GIPC2: variants seen among roughly 807,000 people sequenced by gnomAD.
The protein encoded by GIPC2 is GIPC PDZ domain containing family member 2.
A neutral mutation model predicts 30.6 loss-of-function variants in GIPC2; 30 were observed. The ratio of observed to expected loss-of-function variants is 0.98; its 90% CI spans 0.73 to 1.33. The LOEUF (loss-of-function observed/expected upper bound fraction) is 1.33. GIPC2 is among the 40% of genes most tolerant of loss of function. GIPC2 has a pLI of 0.00. For synonymous variants in GIPC2, 167 were observed against 150.0 expected, an observed-to-expected ratio of 1.11 and a Z score of -0.83; for missense variants, 414 against 390.3, an observed-to-expected ratio of 1.06 and a Z score of -0.51.
At chr1:78,128,645 T>A (rs1164430887) in intron 5 of GIPC2, among the ~76,000 whole-genome samples, 1 of 152,220 alleles carries the variant, frequency 6.6e-6, no homozygotes, top group African/African-American at 2.4e-5. Flanking sequence ...AATTTTTACA[T>A]ATACATACAC....
chr1:78,088,053 A>G (rs1435311245), intron 2 of GIPC2, among the ~76,000 whole-genome samples: 1 of 149,022 alleles, frequency 6.7e-6, no homozygotes, highest in Non-Finnish European at 1.5e-5. Context: ...ACAGTGAGAT[A>G]CCATCTCACA....
intron 3 of GIPC2, among the ~76,000 whole-genome samples, chr1:78,113,888 T>C (rs1470951796): frequency 6.6e-6 from 1 of 151,914 alleles, no homozygotes; most frequent in African/African-American, 2.4e-5. Flanking sequence ...TGCAACTCAT[T>C]CTTATGGAGT....
chr1:78,117,628 A>T (rs1242959490), intron 3 of GIPC2, among the ~76,000 whole-genome samples: 1 of 152,160 alleles, frequency 6.6e-6, no homozygotes, highest in Non-Finnish European at 1.5e-5. Flanking sequence ...CCAGTTTCTA[A>T]CAGGCCATGG....
chr1:78,119,707 G>A (rs1051389409), intron 4 of GIPC2, among the ~76,000 whole-genome samples: 1 of 152,076 alleles, frequency 6.6e-6, no homozygotes, highest in African/African-American at 2.4e-5. Flanking sequence ...TGTAGGTGAC[G>A]TTTCTAGACT....
chr1:78,072,008 G>A (rs1163700951), intron 1 of GIPC2, among the ~76,000 whole-genome samples: 2 of 152,240 alleles, frequency 1.3e-5, no homozygotes, highest in South Asian at 2.1e-4. Context: ...AGGCATTGCC[G>A]GGAAAACACC....
intron 1 of GIPC2, among the ~76,000 whole-genome samples, chr1:78,063,594 T>A (rs1661445973): frequency 6.8e-6 from 1 of 146,560 alleles, no homozygotes; most frequent in African/African-American, 2.5e-5. Flanking sequence ...AAGAATAAGA[T>A]GAGATTCAGG....
chr1:78,045,795 A>C, upstream of GIPC2: 1 of 1,162,570 alleles, frequency 8.6e-7, no homozygotes, highest in South Asian at 3.5e-5. Flanking sequence ...CGGCATCCTC[A>C]GGCGTTCACG....
At chr1:78,068,874 T>G (rs1489534807) in intron 1 of GIPC2, among the ~76,000 whole-genome samples, 1 of 152,138 alleles carries the variant, frequency 6.6e-6, no homozygotes, top group Non-Finnish European at 1.5e-5. Flanking sequence ...AGGAGACTGG[T>G]ACTCCTCATC....
intron 5 of GIPC2, among the ~76,000 whole-genome samples, chr1:78,129,131 G>A (rs1400665648): frequency 6.6e-6 from 1 of 151,958 alleles, no homozygotes; most frequent in Non-Finnish European, 1.5e-5. Flanking sequence ...TTATTTGTAA[G>A]GTGAATTAGT....
At chr1:78,053,077 A>G (rs1231497815) in intron 1 of GIPC2, among the ~76,000 whole-genome samples, 1 of 152,212 alleles carries the variant, frequency 6.6e-6, no homozygotes, top group Admixed American at 6.5e-5. Flanking sequence ...AAATGAAAGA[A>G]TTGGGAATTG....
chr1:78,075,291 A>G (rs192326352), intron 1 of GIPC2, among the ~76,000 whole-genome samples: 51 of 152,278 alleles, frequency 3.3e-4, no homozygotes, highest in Admixed American at 2.5e-3. Flanking sequence ...CCATGTCTCT[A>G]TGAAAAATAA....
At chr1:78,079,325 C>A (rs1661783449) in intron 1 of GIPC2, among the ~76,000 whole-genome samples, 1 of 152,170 alleles carries the variant, frequency 6.6e-6, no homozygotes. Flanking sequence ...TGGCTGAACA[C>A]TCTTGACCTT....
chr1:78,074,412 G>A (rs1661675710), intron 1 of GIPC2, among the ~76,000 whole-genome samples: 1 of 152,152 alleles, frequency 6.6e-6, no homozygotes, highest in African/African-American at 2.4e-5. Context: ...TTTAAGAGGT[G>A]TAGTCTCGCT....
chr1:78,047,004 G>A (rs886151041), intron 1 of GIPC2, among the ~76,000 whole-genome samples: 6 of 152,134 alleles, frequency 3.9e-5, no homozygotes, highest in African/African-American at 1.4e-4. Context: ...TTAATCACGT[G>A]GGACTAGTTA....
At chr1:78,049,158 T>C (rs541043994) in intron 1 of GIPC2, among the ~76,000 whole-genome samples, 18 of 152,312 alleles carry the variant, frequency 1.2e-4, no homozygotes, top group African/African-American at 4.3e-4. Context: ...AAACAACTTT[T>C]TTTGGTTGGT....
chr1:78,080,758 T>G lies in GIPC2; in HGVS notation c.324T>G (p.Phe108Leu). The change falls in exon 2 of 6, where the codon TTT becomes TTG. Residue 108 changes from phenylalanine to leucine, a missense_variant. Phe to Leu is a conservative substitution (Grantham distance 22). Coordinates refer to ENST00000370759, the MANE Select transcript of GIPC2 (RefSeq NM_017655.6). ...AACTAGGACTAGAAGATTTCATATT[T>G]GCCCATGTGAAAGGAATCGAAAAAG... ...GGQLGLEDFI[F>L]AHVKGIEKEV... is the part of the protein sequence containing the mutation. 6.2e-7 allele frequency: 1 copy of G among 1,607,266 alleles called. No individual in the cohort carries two copies. The highest frequency in any genetic ancestry group is 8.5e-7 in the Non-Finnish European group (1 of 1,173,826).
chr1:78,100,451 A>T (rs1291241366), intron 3 of GIPC2, among the ~76,000 whole-genome samples: 1 of 152,182 alleles, frequency 6.6e-6, no homozygotes, highest in African/African-American at 2.4e-5. Flanking sequence ...ATAGAAGTAA[A>T]GGAAGGAGAG....
intron 3 of GIPC2, chr1:78,112,362 T>C (rs1245741918): frequency 5.9e-6 from 3 of 511,088 alleles, no homozygotes; most frequent in African/African-American, 5.8e-5. Context: ...GTGATCCTGT[T>C]AGGCAACCTT....
In GIPC2 at chr1:78,058,678, A is replaced by G. The variant is rs951099157; in HGVS notation, c.240+12344A>G. Among the ~76,000 whole-genome samples the G allele has an allele frequency of 3.3e-5, 5 of 152,332 alleles. 1 individual carries two copies. The East Asian group carries it at 5.8e-4, about 18-fold the overall frequency. ...GGGAACTGTATTTTGTAAATTCATGATACATATTAATGGCTTTGAGAAGTC... is the reference window on the plus strand; with the variant it reads ...GGGAACTGTATTTTGTAAATTCATGGTACATATTAATGGCTTTGAGAAGTC... On this transcript the variant is annotated intron_variant, in intron 1 of 5. Transcript: ENST00000370759.
Sources: gnomAD v4.1 joint callset for allele counts (sites outside exome capture counted in the v4.1 genomes callset) on GRCh38, gnomAD v4.1.1 for gene constraint, MANE v1.5 for transcripts, NCBI Gene and HGNC (gene_info 2026-07-23, HGNC 2026-07-21) for gene names.